NFX1: variants seen among roughly 807,000 people sequenced by gnomAD.
NFX1 encodes the protein nuclear transcription factor, X-box binding 1.
A neutral mutation model predicts 137.2 loss-of-function variants in NFX1; 69 were observed. That is an observed-to-expected ratio of 0.50 (90% confidence interval 0.41 to 0.61). The LOEUF (loss-of-function observed/expected upper bound fraction) is 0.61, where lower values mean the gene tolerates loss of function less well. NFX1 is among the 20% of genes least tolerant of loss of function. The pLI is 0.00. For synonymous variants in NFX1, 495 were observed against 474.1 expected (o/e 1.04, Z -0.57); for missense variants, 1,167 against 1,391.0 (o/e 0.84, Z 2.56).
intron 2 of NFX1, 134 bp downstream of exon 2, chr9:33,295,561 G>C (rs1821324986): frequency 2.8e-6 from 3 of 1,059,030 alleles, no homozygotes; most frequent in Non-Finnish European, 4.0e-6. Context: ...TTTATTCACT[G>C]TCTGCCTAAG....
At chr9:33,308,743 G>T (rs1821852755) in intron 5 of NFX1, among the ~76,000 whole-genome samples, 1 of 152,092 alleles carries the variant, frequency 6.6e-6, no homozygotes, top group Non-Finnish European at 1.5e-5. Flanking sequence ...AGTCTTTCTG[G>T]CAAGTGATCA....
chr9:33,336,955 T>C (rs1823028243), intron 11 of NFX1, among the ~76,000 whole-genome samples: 1 of 151,986 alleles, frequency 6.6e-6, no homozygotes. Flanking sequence ...TACAAAAAAT[T>C]AGCCGGCATG....
intron 12 of NFX1, 138 bp from the exon 13 acceptor site, chr9:33,342,608 G>T: frequency 1.5e-6 from 1 of 653,594 alleles, no homozygotes; most frequent in Non-Finnish European, 2.6e-6. Flanking sequence ...TCTCCCTTCT[G>T]TGGCTATTTT....
chr9:33,342,117 GTC>G (rs751667686), intron 12 of NFX1, among the ~76,000 whole-genome samples: 3 of 139,280 alleles, frequency 2.2e-5, no homozygotes, highest in African/African-American at 3.0e-5. Context: ...CCCTGTCTCT[GTC>G]TCTCTCTCTC....
At chr9:33,368,236 CA>C (rs36049764) in intron 23 of NFX1, among the ~76,000 whole-genome samples, 11 of 146,878 alleles carry the variant, frequency 7.5e-5, no homozygotes, top group Non-Finnish European at 6.0e-5. Flanking sequence ...GACTCCATCT[CA>C]AAAAAAAAAG....
At position 33,311,151 on chromosome 9, in the gene NFX1, A is replaced by G. The variant is rs751871486; in HGVS notation, c.1422A>G (p.Thr474=). Residue 474 remains threonine (T), a synonymous_variant, in exon 6 of 24, where the codon ACA becomes ACG. Coordinates refer to ENST00000379540, the MANE Select transcript of NFX1 (RefSeq NM_002504.6). The stretch of plus-strand genomic sequence containing the variant: ...GCCCACCCTGCCCTGCCTTTATGAC[A>G]AAAACATGTGAATGTGGACGAACCA... ...GPCPPCPAFM[T]KTCECGRTRH... The G allele has an allele frequency of 3.7e-6, 6 of 1,614,094 alleles. No individual in the cohort carries two copies. Among genetic ancestry groups the G allele is most frequent in the Non-Finnish European group, 5.1e-6 (6 of 1,179,966 alleles).
At chr9:33,354,297 A>G (rs1212153398) in intron 18 of NFX1, 110 bp downstream of exon 18, 9 of 829,260 alleles carry the variant, frequency 1.1e-5, no homozygotes, top group African/African-American at 8.7e-5. Context: ...TGCATACACA[A>G]TAAGTATTCA....
At chr9:33,344,653 G>A (rs1244689915) in intron 14 of NFX1, among the ~76,000 whole-genome samples, 1 of 151,952 alleles carries the variant, frequency 6.6e-6, no homozygotes. Context: ...AGATCATGAG[G>A]TCAAAAGATT....
chr9:33,363,253 AT>A (rs1277736759), intron 19 of NFX1, among the ~76,000 whole-genome samples: 1 of 147,632 alleles, frequency 6.8e-6, no homozygotes, highest in African/African-American at 2.6e-5. Context: ...AAATAAAATA[AT>A]AAAGAAATGT....
intron 12 of NFX1, among the ~76,000 whole-genome samples, chr9:33,340,499 C>T (rs552877245): frequency 6.6e-6 from 1 of 152,318 alleles, no homozygotes; most frequent in South Asian, 2.1e-4. Flanking sequence ...CCATGAAGAC[C>T]TCTGATGTGC....
At chr9:33,353,617 A>G (rs1158838960) in intron 17 of NFX1, among the ~76,000 whole-genome samples, 1 of 151,884 alleles carries the variant, frequency 6.6e-6, no homozygotes, top group Non-Finnish European at 1.5e-5. Context: ...GATATGACAT[A>G]AATATGTAGG....
chr9:33,344,316 TG>T, intron 14 of NFX1, 128 bp downstream of exon 14: 1 of 1,322,656 alleles, frequency 7.6e-7, no homozygotes, highest in South Asian at 1.3e-5. Context: ...GCTCAGGGGC[TG>T]GTTCTCTGAA....
At chr9:33,312,795 C>T (rs1822010479) in intron 6 of NFX1, among the ~76,000 whole-genome samples, 1 of 152,160 alleles carries the variant, frequency 6.6e-6, no homozygotes, top group Admixed American at 6.5e-5. Flanking sequence ...CGCTTGAAAC[C>T]AGGAGGTGGA....
intron 22 of NFX1, 97 bp downstream of exon 22, chr9:33,366,871 C>T: frequency 1.4e-6 from 2 of 1,391,914 alleles, no homozygotes; most frequent in Admixed American, 2.5e-5. Context: ...TACTACCACT[C>T]TCCCTCTTGG....
At chr9:33,365,024 A>G in intron 21 of NFX1, 2 of 1,268,080 alleles carry the variant, frequency 1.6e-6, no homozygotes, top group Non-Finnish European at 2.0e-6. Context: ...CTGTAATGCC[A>G]GCACTTTGGG....
At chr9:33,317,648 G>A (rs999167768) in intron 7 of NFX1, among the ~76,000 whole-genome samples, 2 of 151,040 alleles carry the variant, frequency 1.3e-5, no homozygotes, top group African/African-American at 2.4e-5. Flanking sequence ...GGGCAACAAA[G>A]TGAGATCCTG....
At chr9:33,344,754 T>C (rs1374250444) in intron 14 of NFX1, among the ~76,000 whole-genome samples, 2 of 152,100 alleles carry the variant, frequency 1.3e-5, no homozygotes, top group African/African-American at 2.4e-5. Context: ...TAGTCCCAGC[T>C]ACTCGGGAGG....
At chr9:33,369,647 C>G (rs1824270233) in intron 23 of NFX1, among the ~76,000 whole-genome samples, 1 of 151,996 alleles carries the variant, frequency 6.6e-6, no homozygotes, top group South Asian at 2.1e-4. Flanking sequence ...AAGGTTACCT[C>G]TAAACTGTAA....
At chr9:33,347,828 C>T (rs1005741912) in intron 15 of NFX1, 6 of 191,372 alleles carry the variant, frequency 3.1e-5, no homozygotes, top group South Asian at 2.3e-4. Context: ...TGTATCTATA[C>T]GTACCATGGA....
Sources: gnomAD v4.1 joint callset for allele counts (sites outside exome capture counted in the v4.1 genomes callset) on GRCh38, gnomAD v4.1.1 for gene constraint, MANE v1.5 for transcripts, NCBI Gene and HGNC (gene_info 2026-07-23, HGNC 2026-07-21) for gene names.